The following ATP2A3 variants were observed in gnomAD, a reference collection of about 807,000 sequenced individuals.
ATP2A3 encodes ATPase sarcoplasmic/endoplasmic reticulum Ca2+ transporting 3, also known as sarcoplasmic/endoplasmic reticulum calcium ATPase 3.
Under a neutral mutation model 106.8 loss-of-function variants are expected in ATP2A3, and 61 were observed. That is an observed-to-expected ratio of 0.57 (90% CI 0.46 to 0.71). ATP2A3 has a LOEUF of 0.71. Among genes scored for constraint, ATP2A3 ranks in the 30% least tolerant of loss-of-function variants. The pLI is 0.00. For synonymous variants in ATP2A3, 611 were observed against 609.3 expected (o/e 1.00, Z -0.04); for missense variants, 1,201 against 1,423.5 (o/e 0.84, Z 2.52).
intron 7 of ATP2A3, among the ~76,000 whole-genome samples, chr17:3,949,226 G>A (rs1040752612): frequency 6.6e-6 from 1 of 151,832 alleles, no homozygotes; most frequent in Non-Finnish European, 1.5e-5. Flanking sequence ...CGATAACTTG[G>A]TGGCCTGGGC....
intron 17 of ATP2A3, among the ~76,000 whole-genome samples, chr17:3,931,522 T>TC (rs998124646): frequency 6.7e-6 from 1 of 148,598 alleles, no homozygotes; most frequent in Non-Finnish European, 1.5e-5. Context: ...AGATCTTTTT[T>TC]CTTTTTTTTT....
rs1440058855 is a variant in ATP2A3, at chr17:3,947,803, A to C, written c.683T>G (p.Leu228Arg). The stretch of plus-strand genomic sequence containing the variant: ...CCGGATCTTGCCCAGCTCCGTGTGC[A>C]GGCCGGTGGCCACGGCCACACCCAC... ...KAVGVAVATGLHTELGKIRSQ... is the reference protein window; with the variant it reads ...KAVGVAVATGRHTELGKIRSQ... The change falls in exon 8 of 21, where the codon CTG becomes CGG. Residue 228 changes from leucine to arginine, a missense_variant. Leu to Arg is a moderately radical substitution (Grantham distance 102). Around this residue, in one of 2 missense-constraint regions of ATP2A3, gnomAD observed 935 missense variants for 1,176.7 expected, o/e 0.79. Coordinates refer to ENST00000397041, the MANE Select transcript of ATP2A3 (RefSeq NM_005173.4). The surrounding 1 kb of genome is among the most constrained non-coding windows in gnomAD (Gnocchi z 7.7). 4 of 1,600,396 alleles carry C rather than the reference A, an allele frequency of 2.5e-6. No homozygotes were observed. The East Asian group carries it at 8.9e-5, about 36-fold the overall frequency.
At chr17:3,927,867 C>T in intron 20 of ATP2A3, 2 of 1,564,256 alleles carry the variant, frequency 1.3e-6, no homozygotes, top group Non-Finnish European at 1.7e-6. Context: ...CCCCCAACGA[C>T]CCAGCTGCCC....
At position 3,934,419 on chromosome 17, in the gene ATP2A3, T is replaced by G. The variant is rs573374837; in HGVS notation, c.2610+773A>C. 3.3e-5 allele frequency among the ~76,000 whole-genome samples: 5 copies of G among 152,094 alleles called. No homozygotes were observed. The South Asian group carries it at 1.0e-3, about 32-fold the overall frequency. ...TTATTTGGTAGAGATGGGGTCTCAC[T>G]GTATTGCCCAGGCTGGTCTCAAACT... is the stretch of plus-strand genomic sequence containing the variant. On this transcript the variant is annotated intron_variant, in intron 17 of 20. Transcript: ENST00000397041.
chr17:3,943,286 AC>A (rs1282209884), intron 11 of ATP2A3, 104 bp downstream of exon 11: 78 of 1,484,694 alleles, frequency 5.3e-5, no homozygotes, highest in African/African-American at 9.9e-5. Flanking sequence ...AAAAAAAAAA[AC>A]AAAACGAAAC....
At position 3,926,860 on chromosome 17, in the gene ATP2A3, C is replaced by T. The variant is rs7210155; in HGVS notation, c.2981-1419G>A. The T allele has an allele frequency of 0.27, 261,232 of 984,978 alleles. 36,566 individuals carry two copies. Among genetic ancestry groups the T allele is most frequent in the African/African-American group, 0.49 (28,300 of 57,196 alleles). The allele number at this position is 984,978 out of a possible 1,614,324, so 61.0% of individuals were successfully genotyped here. On this transcript the variant is annotated intron_variant, in intron 20 of 20. Transcript: ENST00000397041. The surrounding 1 kb of genome is among the most constrained non-coding windows in gnomAD (Gnocchi z 4.6). ...CTGGGATGACAGGTGTGAGCCACTG[C>T]ACCCGGCCCGTTAGTCTCACCCCCT...
rs1348703846 is a variant in ATP2A3, at chr17:3,925,206, A to T, written c.*216T>A. ...GGAACTTCCCAGGAGAGTCCAGGAG[A>T]CAGGAATTACAGACCTCCCAGGCCA... is the stretch of plus-strand genomic sequence containing the variant. On this transcript the variant is annotated 3_prime_UTR_variant, in exon 21 of 21. Coordinates refer to ENST00000397041, the MANE Select transcript of ATP2A3 (RefSeq NM_005173.4). The surrounding 1 kb of genome is among the most constrained non-coding windows in gnomAD (Gnocchi z 4.2). 2 of 692,912 alleles carry T rather than the reference A, an allele frequency of 2.9e-6. No individual in the cohort carries two copies. Among genetic ancestry groups the T allele is most frequent in the African/African-American group, 3.6e-5 (2 of 56,128 alleles). The allele number at this position is 692,912 out of a possible 1,614,324, so 42.9% of individuals were successfully genotyped here. A position where few individuals can be genotyped will look rare whatever the true frequency, so the allele number is the denominator to read the frequency against.
At chr17:3,943,945 C>T (rs746536573) in intron 10 of ATP2A3, among the ~76,000 whole-genome samples, 12 of 152,174 alleles carry the variant, frequency 7.9e-5, no homozygotes, top group Non-Finnish European at 1.2e-4. Flanking sequence ...TTTGCCACTC[C>T]GGCGACAGCC....
intron 17 of ATP2A3, among the ~76,000 whole-genome samples, chr17:3,932,364 G>T (rs1373127530): frequency 2.6e-5 from 4 of 151,928 alleles, no homozygotes; most frequent in African/African-American, 9.7e-5. Flanking sequence ...GGCTGGTCTC[G>T]ATCTCCTGAC....
rs140082452 is a variant in ATP2A3 at position 3,942,680 on chromosome 17, G to T, written c.1471C>A (p.Arg491=). The T allele has an allele frequency of 3.3e-3, 5,246 of 1,613,654 alleles. 14 individuals carry two copies. The highest frequency in any genetic ancestry group is 4.0e-3 in the Non-Finnish European group (4,768 of 1,179,970). Residue 491 remains arginine (R), a synonymous_variant, in exon 12 of 21, where the codon CGG becomes AGG. Coordinates refer to ENST00000397041, the MANE Select transcript of ATP2A3 (RefSeq NM_005173.4). ...KEFTLEFSRD[R]KSMSVYCTPT... is the part of the protein sequence containing the mutation. Reference sequence around the variant, plus strand: ...GTGCAGTACACGGACATGGATTTCCGGTCTCGGGAGAACTCCAGGGTGAAC... The same window carrying T: ...GTGCAGTACACGGACATGGATTTCCTGTCTCGGGAGAACTCCAGGGTGAAC...
chr17:3,944,801 T>C lies in ATP2A3; in HGVS notation c.1190A>G (p.Gln397Arg). Residue 397 changes from glutamine to arginine, a missense_variant, in exon 10 of 21, where the codon CAG (glutamine) becomes CGG (arginine). By Grantham distance (43) the Gln-to-Arg change is conservative. This residue lies in a region of ATP2A3 where 935 missense variants were observed against 1,176.7 expected (regional missense o/e 0.79). Coordinates refer to ENST00000397041, the MANE Select transcript of ATP2A3 (RefSeq NM_005173.4). ...GCCGCAGCGCACAGGCTGATCCCCC[T>C]GCCGCCTGCGGAGCCGGGGCGGTCA... Reference protein sequence around the residue: ...TTYTPEGEVRQGDQPVRCGQF... With the variant: ...TTYTPEGEVRRGDQPVRCGQF... 6.2e-7 allele frequency: 1 copy of C among 1,609,716 alleles called. No individual in the cohort carries two copies. The highest frequency in any genetic ancestry group is 8.5e-7 in the Non-Finnish European group (1 of 1,178,198).
At chr17:3,952,524 G>A (rs1412618198) in intron 3 of ATP2A3, among the ~76,000 whole-genome samples, 2 of 152,218 alleles carry the variant, frequency 1.3e-5, no homozygotes, top group East Asian at 1.9e-4. Flanking sequence ...ATCCACGGAA[G>A]GGGCTCCGGC....
intron 17 of ATP2A3, 79 bp downstream of exon 17, chr17:3,935,113 G>T: frequency 1.4e-6 from 2 of 1,438,384 alleles, no homozygotes. Context: ...CCACCCATGC[G>T]GCTCTAGACC....
At chr17:3,937,136 T>C in intron 15 of ATP2A3, 1 of 512,420 alleles carries the variant, frequency 2.0e-6, no homozygotes, top group East Asian at 3.6e-5. Flanking sequence ...ATCTTGCTAA[T>C]CTGCAAGTGG....
chr17:3,944,791 C>A lies in ATP2A3; in HGVS notation c.1200G>T (p.Gln400His), dbSNP rs1018988898. The A allele has an allele frequency of 1.3e-5, 21 of 1,610,984 alleles. No individual in the cohort carries two copies. Among genetic ancestry groups the A allele is most frequent in the African/African-American group, 1.3e-5 (1 of 74,830 alleles). Residue 400 changes from glutamine (Q) to histidine (H), a missense_variant, in exon 10 of 21, where the codon CAG becomes CAT. Transcript: ENST00000397041. ...TPEGEVRQGD[Q>H]PVRCGQFDGL... Reference sequence around the variant, plus strand: ...CGTCGAACTGGCCGCAGCGCACAGGCTGATCCCCCTGCCGCCTGCGGAGCC... The same window carrying A: ...CGTCGAACTGGCCGCAGCGCACAGGATGATCCCCCTGCCGCCTGCGGAGCC...
chr17:3,945,423 C>T (rs990151855), intron 8 of ATP2A3: 16 of 356,996 alleles, frequency 4.5e-5, no homozygotes, highest in African/African-American at 2.8e-4. Flanking sequence ...GGGGCAGTTG[C>T]CAGCTTGAGG....
At chr17:3,927,577 A>G in intron 20 of ATP2A3, 6 of 985,366 alleles carry the variant, frequency 6.1e-6, no homozygotes, top group Non-Finnish European at 7.2e-6. Context: ...CATGGATGGG[A>G]GTTTCCAGTG....
rs1422022558 is a variant in ATP2A3 at position 3,928,687 on chromosome 17, A to G, written c.2956T>C (p.Tyr986His). 5.8e-6 allele frequency: 9 copies of G among 1,551,022 alleles called. No homozygotes were observed. In the African/African-American group the frequency reaches 8.2e-5, roughly 14 times the overall value. ...PVILLDEALK[Y>H]LSRNHMHEEM... ...CCGTGCATGTGGTTCCGGGACAGGTACTTGAGGGCCTCATCCAGCAGGATG... is the reference window on the plus strand; with the variant it reads ...CCGTGCATGTGGTTCCGGGACAGGTGCTTGAGGGCCTCATCCAGCAGGATG... The change falls in exon 20 of 21, where the codon TAC becomes CAC. Residue 986 changes from tyrosine (Y) to histidine (H), a missense_variant. Around this residue, in one of 2 missense-constraint regions of ATP2A3, gnomAD observed 935 missense variants for 1,176.7 expected, o/e 0.79. Transcript: ENST00000397041. The surrounding 1 kb of genome is among the most constrained non-coding windows in gnomAD (Gnocchi z 6.1).
intron 12 of ATP2A3, among the ~76,000 whole-genome samples, chr17:3,942,004 G>A (rs1017636340): frequency 6.6e-6 from 1 of 152,168 alleles, no homozygotes; most frequent in Non-Finnish European, 1.5e-5. Flanking sequence ...TGCTACTCGG[G>A]TTCCAATTTG....
Sources: gnomAD v4.1 joint callset for allele counts (sites outside exome capture counted in the v4.1 genomes callset) on GRCh38, gnomAD v4.1.1 for gene constraint, gnomAD v4.1.1 regional missense constraint, Gnocchi (gnomAD v3.1) non-coding constraint, MANE v1.5 for transcripts, NCBI Gene and HGNC (gene_info 2026-07-23, HGNC 2026-07-21) for gene names.